SMYD3: variants seen among roughly 807,000 people sequenced by gnomAD.
The protein encoded by SMYD3 is histone-lysine N-methyltransferase SMYD3.
SMYD3 carries 36 observed loss-of-function variants against 57.7 expected under a neutral mutation model. That is an observed-to-expected ratio of 0.62 (90% confidence interval 0.48 to 0.82). The LOEUF (loss-of-function observed/expected upper bound fraction) is 0.82. Among genes scored for constraint, SMYD3 ranks in the 40% least tolerant of loss-of-function variants. The pLI, the probability that SMYD3 is intolerant of heterozygous loss-of-function variation, is 0.00. For synonymous variants in SMYD3, 211 were observed against 195.0 expected (o/e 1.08, Z -0.68); for missense variants, 515 against 538.8 (o/e 0.96, Z 0.44).
At chr1:246,184,601 G>A (rs1270824518) in intron 5 of SMYD3, among the ~76,000 whole-genome samples, 2 of 152,200 alleles carry the variant, frequency 1.3e-5, no homozygotes, top group African/African-American at 4.8e-5. Context: ...ATTTGGAGAA[G>A]GGGCTTCTCA....
At chr1:245,919,190 C>T (rs1180048847) in intron 7 of SMYD3, among the ~76,000 whole-genome samples, 3 of 152,184 alleles carry the variant, frequency 2.0e-5, no homozygotes. Flanking sequence ...CTAAAACTCA[C>T]ATGTGATCAC....
chr1:245,968,706 A>T (rs75887454), intron 5 of SMYD3, among the ~76,000 whole-genome samples: 5,087 of 152,258 alleles, frequency 0.033, 263 homozygotes, highest in African/African-American at 0.11. Context: ...TCCTCTATAC[A>T]ATGGACACAA....
intron 5 of SMYD3, among the ~76,000 whole-genome samples, chr1:246,009,871 G>A (rs1161122633): frequency 9.1e-5 from 12 of 131,386 alleles, no homozygotes; most frequent in Non-Finnish European, 1.8e-4. Flanking sequence ...GTGCAGTGGC[G>A]TGATCTCGGC....
intron 5 of SMYD3, among the ~76,000 whole-genome samples, chr1:246,105,662 A>G (rs1215863485): frequency 6.6e-6 from 1 of 152,230 alleles, no homozygotes; most frequent in East Asian, 1.9e-4. Flanking sequence ...AAACAGACTA[A>G]GAACAATGGG....
At chr1:246,446,843 C>T (rs548070199) in intron 1 of SMYD3, among the ~76,000 whole-genome samples, 3 of 152,120 alleles carry the variant, frequency 2.0e-5, no homozygotes, top group Non-Finnish European at 4.4e-5. Flanking sequence ...TCCTGGCTAA[C>T]ATGATGAAAC....
At chr1:245,781,960 CTA>C (rs1374124361) in intron 10 of SMYD3, among the ~76,000 whole-genome samples, 3 of 143,094 alleles carry the variant, frequency 2.1e-5, no homozygotes, top group Non-Finnish European at 3.0e-5. Flanking sequence ...CAGAGTGAGA[CTA>C]TGTCTCAAAA....
chr1:246,174,595 T>C lies in SMYD3; in HGVS notation c.531+152606A>G, dbSNP rs564395732. Among the ~76,000 whole-genome samples the C allele has an allele frequency of 2.4e-3, 371 of 152,298 alleles. 1 individual carries two copies. Among genetic ancestry groups the C allele is most frequent in the Middle Eastern group, 6.8e-3 (2 of 294 alleles). ...TTGAGTAGCTGGGACTACAGGCACA[T>C]GCCACCACGCCTGACTAATTTTTGT... On this transcript the variant is annotated intron_variant, in intron 5 of 11. Coordinates refer to ENST00000490107, the MANE Select transcript of SMYD3 (RefSeq NM_001167740.2).
At chr1:246,004,141 C>A (rs151234279) in intron 5 of SMYD3, among the ~76,000 whole-genome samples, 2 of 152,318 alleles carry the variant, frequency 1.3e-5, no homozygotes, top group East Asian at 3.9e-4. Context: ...GAAATCGGTA[C>A]GCAAAATGGC....
chr1:246,235,511 G>A (rs2063500141), intron 5 of SMYD3, among the ~76,000 whole-genome samples: 1 of 152,166 alleles, frequency 6.6e-6, no homozygotes, highest in African/African-American at 2.4e-5. Context: ...CTGGGCAACA[G>A]TCAGGCTCTG....
At chr1:246,247,444 ACTCTCTCT>A (rs143476169) in intron 5 of SMYD3, among the ~76,000 whole-genome samples, 11 of 142,862 alleles carry the variant, frequency 7.7e-5, no homozygotes, top group East Asian at 6.6e-4. Context: ...GAGAAGGATA[ACTCTCTCT>A]CTCTCTCTCT....
chr1:246,010,206 T>C (rs908437079), intron 5 of SMYD3, among the ~76,000 whole-genome samples: 1 of 151,948 alleles, frequency 6.6e-6, no homozygotes, highest in Non-Finnish European at 1.5e-5. Flanking sequence ...CTTCTTCTAG[T>C]TCTCTGTTGA....
intron 5 of SMYD3, among the ~76,000 whole-genome samples, chr1:246,011,063 C>T (rs961050203): frequency 2.0e-5 from 3 of 152,152 alleles, no homozygotes; most frequent in African/African-American, 7.2e-5. Flanking sequence ...TAGAAATCTA[C>T]ATTTTAAATC....
rs2065370095 is a variant in SMYD3 at position 246,327,243 on chromosome 1, A to C, written c.489T>G (p.Ser163=). The C allele has an allele frequency of 2.5e-6, 4 of 1,614,042 alleles. No homozygotes were observed. Among genetic ancestry groups the C allele is most frequent in the Non-Finnish European group, 2.5e-6 (3 of 1,180,014 alleles). ...HFMREEIQDA[S]QLPPAFDLFE... The stretch of plus-strand genomic sequence containing the variant: ...AAAGGTCAAAGGCAGGTGGCAGCTG[A>C]GAGGCATCCTGTATTTCTTCTCTCA... The change falls in exon 5 of 12, where the codon TCT becomes TCG. Residue 163 remains serine (S), a synonymous_variant. Transcript: ENST00000490107.
chr1:246,453,645 C>G (rs2067663072), intron 1 of SMYD3, among the ~76,000 whole-genome samples: 1 of 152,128 alleles, frequency 6.6e-6, no homozygotes, highest in South Asian at 2.1e-4. Flanking sequence ...AAATGCTCCT[C>G]AGGCACCTAA....
intron 5 of SMYD3, among the ~76,000 whole-genome samples, chr1:246,218,361 C>T (rs568906692): frequency 1.5e-4 from 23 of 152,194 alleles, no homozygotes; most frequent in African/African-American, 2.7e-4. Flanking sequence ...CGGTGGCTCA[C>T]GCCTGTAATC....
chr1:246,105,778 G>A (rs1171760819), intron 5 of SMYD3, among the ~76,000 whole-genome samples: 1 of 152,152 alleles, frequency 6.6e-6, no homozygotes, highest in Non-Finnish European at 1.5e-5. Flanking sequence ...AAAGTAATGG[G>A]CTTTCCACGG....
chr1:245,965,375 G>A (rs907811055), intron 5 of SMYD3, among the ~76,000 whole-genome samples: 9 of 152,042 alleles, frequency 5.9e-5, no homozygotes, highest in South Asian at 2.1e-4. Context: ...CAAACTCTAC[G>A]GCAACCATTT....
chr1:245,855,788 A>G (rs9659982), intron 10 of SMYD3, among the ~76,000 whole-genome samples: 24,824 of 152,212 alleles, frequency 0.16, 2,905 homozygotes, highest in East Asian at 0.58. Context: ...AAAATGGAAT[A>G]GCAGCACTTT....
intron 10 of SMYD3, among the ~76,000 whole-genome samples, chr1:245,803,267 A>G (rs1427582956): frequency 2.0e-5 from 3 of 152,208 alleles, no homozygotes; most frequent in Non-Finnish European, 4.4e-5. Flanking sequence ...TTTATTCGTC[A>G]CACTGGGGCA....
Sources: gnomAD v4.1 joint callset for allele counts (sites outside exome capture counted in the v4.1 genomes callset) on GRCh38, gnomAD v4.1.1 for gene constraint, MANE v1.5 for transcripts, NCBI Gene and HGNC (gene_info 2026-07-23, HGNC 2026-07-21) for gene names.